CHIT1: variants seen among roughly 807,000 people sequenced by gnomAD.
CHIT1 encodes the protein chitinase 1.
In CHIT1, 47 loss-of-function variants were observed where a neutral mutation model predicts 52.0. The ratio of observed to expected loss-of-function variants is 0.90; its 90% confidence interval spans 0.71 to 1.15. The LOEUF is 1.15. Ranked by LOEUF, CHIT1 falls within the 50% of genes most tolerant of loss-of-function variation. The pLI is 0.00. For missense variants in CHIT1, 569 were observed against 583.0 expected, an observed-to-expected ratio of 0.98 and a Z score of 0.25; for synonymous variants, 242 against 228.2, an observed-to-expected ratio of 1.06 and a Z score of -0.54.
In CHIT1 at chr1:203,219,790, G is replaced by A. The variant is rs1341803938; in HGVS notation, c.789C>T (p.Gly263=). 8.1e-6 allele frequency: 13 copies of A among 1,613,134 alleles called. No homozygotes were observed. Among genetic ancestry groups the A allele is most frequent in the Non-Finnish European group, 1.1e-5 (13 of 1,179,920 alleles). Reference sequence around the variant, plus strand: ...TGAAGGAGCGTCCGTAGGTAGGCATGCCAAGGATCAGCTTGCTGGCAGGGG... The same window carrying A: ...TGAAGGAGCGTCCGTAGGTAGGCATACCAAGGATCAGCTTGCTGGCAGGGG... ...KGTPASKLIL[G]MPTYGRSFTL... The change falls in exon 8 of 11, where the codon GGC becomes GGT. Residue 263 remains glycine (G), a synonymous_variant. Coordinates refer to ENST00000367229, the MANE Select transcript of CHIT1 (RefSeq NM_003465.3).
intron 2 of CHIT1, among the ~76,000 whole-genome samples, chr1:203,226,263 G>C (rs932998518): frequency 3.3e-5 from 5 of 152,164 alleles, no homozygotes; most frequent in African/African-American, 9.7e-5. Context: ...CTCAGAGTCC[G>C]AGCTCCCAGG....
At chr1:203,220,299 T>C (rs1017765549) in intron 7 of CHIT1, among the ~76,000 whole-genome samples, 25 of 152,220 alleles carry the variant, frequency 1.6e-4, no homozygotes, top group African/African-American at 5.5e-4. Context: ...TTATAATGCA[T>C]GTAAAAGGTC....
At chr1:203,229,759 GGGATGGGAGCAGGGTGGGGA>G, upstream of CHIT1, 1 of 1,171,520 alleles carries the variant, frequency 8.5e-7, no homozygotes, top group Non-Finnish European at 1.3e-6. Context: ...CTGGGTGGGG[GGGATGGGAGCAGGGTGGGGA>G]GGGGTAAGAT....
chr1:203,220,376 T>C (rs1656692365), intron 7 of CHIT1, among the ~76,000 whole-genome samples: 1 of 152,226 alleles, frequency 6.6e-6, no homozygotes. Flanking sequence ...AGTTTTACCC[T>C]GAGTACAAAA....
In CHIT1 at chr1:203,216,150, T is replaced by C. The variant is rs1175629718; in HGVS notation, c.*739A>G. The C allele has an allele frequency of 2.2e-6, 1 of 454,180 alleles. No homozygotes were observed. The highest frequency in any genetic ancestry group is 4.4e-6 in the Non-Finnish European group (1 of 226,804). The allele number at this position is 454,180 out of a possible 1,614,324, so 28.1% of individuals were successfully genotyped here. On this transcript the variant is annotated 3_prime_UTR_variant, in exon 11 of 11. Coordinates refer to ENST00000367229, the MANE Select transcript of CHIT1 (RefSeq NM_003465.3). ...TCTGGCCCATTTCAGGCCTTGGTTC[T>C]GGACTCAGAATTGGTTAGAATCAGT...
intron 7 of CHIT1, 43 bp from the exon 8 acceptor site, chr1:203,219,892 G>A (rs758695518): frequency 1.9e-6 from 3 of 1,606,268 alleles, no homozygotes. Context: ...CCCTCAGCCT[G>A]GTTCTGATTA....
At position 203,222,472 on chromosome 1, in the gene CHIT1, A is replaced by G. The variant is rs989781692; in HGVS notation, c.606-147T>C. 19 of 1,204,588 alleles carry G rather than the reference A, an allele frequency of 1.6e-5. No individual in the cohort carries two copies. In the African/African-American group the frequency reaches 2.0e-4, roughly 12 times the overall value. 74.6% of individuals were successfully genotyped at this position (1,204,588 alleles called of 1,614,324 possible). A position where few individuals can be genotyped will look rare whatever the true frequency, so the allele number is the denominator to read the frequency against. On this transcript the variant is annotated intron_variant, in intron 6 of 10. Transcript: ENST00000367229. ...GTGGCAGGCTCACCTGGCTCTGCAG[A>G]AGGTGACCCAGACAGCAGTCCCAGC...
chr1:203,225,372 C>G (rs557742844), intron 3 of CHIT1, among the ~76,000 whole-genome samples: 1 of 152,172 alleles, frequency 6.6e-6, no homozygotes, highest in Non-Finnish European at 1.5e-5. Context: ...GCCCAGAACA[C>G]TGGAGCTGAA....
intron 2 of CHIT1, among the ~76,000 whole-genome samples, chr1:203,228,091 T>C (rs1226222105): frequency 6.6e-6 from 1 of 152,222 alleles, no homozygotes. Context: ...AAGTGTGTTG[T>C]CCTCGCAGAG....
At chr1:203,221,056 C>T (rs966758305) in intron 7 of CHIT1, among the ~76,000 whole-genome samples, 2 of 152,180 alleles carry the variant, frequency 1.3e-5, no homozygotes, top group Non-Finnish European at 2.9e-5. Context: ...GTCTTCCAGA[C>T]AGGGATGGAG....
At chr1:203,229,961 G>C (rs1371033964), upstream of CHIT1, 1 of 423,434 alleles carries the variant, frequency 2.4e-6, no homozygotes, top group East Asian at 5.2e-5. Flanking sequence ...AGTTGGTGAG[G>C]ACCATAAGCA....
chr1:203,225,004 C>A, intron 4 of CHIT1, 44 bp downstream of exon 4: 2 of 1,574,544 alleles, frequency 1.3e-6, no homozygotes, highest in East Asian at 4.5e-5. Flanking sequence ...GCACCAGGTT[C>A]CCATCCAGGA....
chr1:203,225,952 T>C (rs1378131444), intron 2 of CHIT1, 82 bp from the exon 3 acceptor site: 2 of 1,452,572 alleles, frequency 1.4e-6, no homozygotes, highest in Non-Finnish European at 1.9e-6. Flanking sequence ...GGGTAGGCAA[T>C]GTCCTTGGAC....
At chr1:203,217,499 GC>G in intron 10 of CHIT1, 1 of 1,139,928 alleles carries the variant, frequency 8.8e-7, no homozygotes, top group Non-Finnish European at 1.3e-6. Context: ...CTGGAGGGAA[GC>G]CACGGTTACA....
chr1:203,223,873 C>T (rs1195815116), intron 4 of CHIT1, among the ~76,000 whole-genome samples: 1 of 152,112 alleles, frequency 6.6e-6, no homozygotes, highest in Non-Finnish European at 1.5e-5. Flanking sequence ...ACTTTCTACC[C>T]CCGAACATCG....
At chr1:203,219,461 G>T in intron 8 of CHIT1, 132 bp from the exon 9 acceptor site, 1 of 862,820 alleles carries the variant, frequency 1.2e-6, no homozygotes, top group Non-Finnish European at 2.0e-6. Context: ...GAGGTTCTTT[G>T]CAGTGACCTA....
At chr1:203,229,585 G>A in intron 1 of CHIT1, 27 bp downstream of exon 1, 6 of 1,613,752 alleles carry the variant, frequency 3.7e-6, no homozygotes, top group South Asian at 2.2e-5. Flanking sequence ...CAGCTCCCGA[G>A]ACCCAGCCCA....
At chr1:203,229,760 G>C (rs1005197452), upstream of CHIT1, 1 of 1,165,228 alleles carries the variant, frequency 8.6e-7, no homozygotes, top group Non-Finnish European at 1.3e-6. Context: ...TGGGTGGGGG[G>C]GATGGGAGCA....
Position 203,222,214 on chromosome 1 carries a change from G to A in CHIT1, c.717C>T (p.Ala239=), listed in dbSNP as rs775684280. ...CTGCCACACGTACCACGTTGAGGCT[G>A]GCTGCTGCACCACTCTCTTCTTGCC... ...YKRQEESGAA[A]SLNVDAAVQQ... is the part of the protein sequence containing the mutation. Residue 239 remains alanine (A), a synonymous_variant, in exon 7 of 11, where the codon GCC becomes GCT. Transcript: ENST00000367229. 6.8e-6 allele frequency: 11 copies of A among 1,614,010 alleles called. No homozygotes were observed. The African/African-American group carries it at 1.5e-4, about 22-fold the overall frequency.
Sources: gnomAD v4.1 joint callset for allele counts (sites outside exome capture counted in the v4.1 genomes callset) on GRCh38, gnomAD v4.1.1 for gene constraint, MANE v1.5 for transcripts, NCBI Gene and HGNC (gene_info 2026-07-23, HGNC 2026-07-21) for gene names.